The following IHO1 variants were observed in gnomAD, a reference collection of about 807,000 sequenced individuals.
The protein encoded by IHO1 is interactor of HORMAD1 1, also known as interactor of HORMAD1 protein 1.
In IHO1, 13 loss-of-function variants were observed where a neutral mutation model predicts 31.0. The observed-to-expected ratio is 0.42, with a 90% CI of 0.27 to 0.67. The LOEUF (loss-of-function observed/expected upper bound fraction) is 0.67, where lower values mean the gene tolerates loss of function less well. Among genes scored for constraint, IHO1 ranks in the 30% least tolerant of loss-of-function variants. The pLI is 0.24. For missense variants in IHO1, 599 were observed against 687.5 expected (o/e 0.87, Z 1.44); for synonymous variants, 221 against 248.4 (o/e 0.89, Z 1.04).
intron 2 of IHO1, among the ~76,000 whole-genome samples, chr3:49,220,549 G>T (rs1214883021): frequency 6.6e-6 from 1 of 152,126 alleles, no homozygotes; most frequent in African/African-American, 2.4e-5. Context: ...ATGGATCTTT[G>T]TGGCGAGTGT....
chr3:49,241,497 G>C, intron 4 of IHO1, 108 bp downstream of exon 4: 1 of 997,124 alleles, frequency 1.0e-6, no homozygotes, highest in Non-Finnish European at 1.4e-6. Context: ...GCATGTATTA[G>C]AGTTCTCCAG....
chr3:49,230,058 C>T (rs1321243154), intron 2 of IHO1, among the ~76,000 whole-genome samples: 4 of 152,048 alleles, frequency 2.6e-5, no homozygotes, highest in Admixed American at 6.6e-5. Context: ...TTTTTGATGG[C>T]GGACATTGTT....
chr3:49,198,043 T>G (rs1180149671), upstream of IHO1, among the ~76,000 whole-genome samples: 1 of 152,248 alleles, frequency 6.6e-6, no homozygotes, highest in Non-Finnish European at 1.5e-5. Context: ...GAATTTTATA[T>G]AAATGGGATC....
At chr3:49,207,808 C>G (rs560961211) in intron 1 of IHO1, among the ~76,000 whole-genome samples, 3 of 148,768 alleles carry the variant, frequency 2.0e-5, no homozygotes, top group Non-Finnish European at 4.4e-5. Context: ...GAGTCTCGCT[C>G]TGTCACCCAT....
chr3:49,207,047 C>CAA (rs71077775), intron 1 of IHO1, among the ~76,000 whole-genome samples: 7,356 of 48,448 alleles, frequency 0.15, 452 homozygotes, highest in Non-Finnish European at 0.18. Flanking sequence ...GACTCTGTCT[C>CAA]AAAAAAAAAA....
chr3:49,231,866 C>T (rs943193342), intron 2 of IHO1, among the ~76,000 whole-genome samples: 6 of 152,220 alleles, frequency 3.9e-5, no homozygotes, highest in Non-Finnish European at 5.9e-5. Context: ...TATCATCCAG[C>T]GATGCCCAAC....
At chr3:49,231,046 T>G (rs993749968) in intron 2 of IHO1, among the ~76,000 whole-genome samples, 8 of 152,232 alleles carry the variant, frequency 5.3e-5, no homozygotes, top group African/African-American at 1.4e-4. Context: ...ATCATTCACC[T>G]ACTGATGTTA....
intron 1 of IHO1, among the ~76,000 whole-genome samples, chr3:49,206,985 T>A (rs1330864705): frequency 1.3e-5 from 2 of 149,442 alleles, no homozygotes; most frequent in African/African-American, 4.9e-5. Context: ...GAGGCAAATG[T>A]TGCAGTGAGC....
At chr3:49,237,701 T>G (rs1376685551) in intron 3 of IHO1, among the ~76,000 whole-genome samples, 2 of 151,690 alleles carry the variant, frequency 1.3e-5, no homozygotes, top group African/African-American at 2.4e-5. Flanking sequence ...ATAACAAATT[T>G]TATTTTAGAC....
chr3:49,208,050 G>T (rs2046163032), intron 1 of IHO1, among the ~76,000 whole-genome samples: 1 of 152,182 alleles, frequency 6.6e-6, no homozygotes, highest in South Asian at 2.1e-4. Flanking sequence ...GGGATTACAG[G>T]CGTGAGCCAC....
intron 2 of IHO1, among the ~76,000 whole-genome samples, chr3:49,231,378 C>T (rs2046480402): frequency 6.6e-6 from 1 of 152,008 alleles, no homozygotes; most frequent in Non-Finnish European, 1.5e-5. Flanking sequence ...AAATTTAAAC[C>T]AATTGAAGGT....
chr3:49,209,342 C>G (rs2046179410), intron 1 of IHO1, among the ~76,000 whole-genome samples: 1 of 152,204 alleles, frequency 6.6e-6, no homozygotes. Flanking sequence ...CTTTTAAATG[C>G]TTGCATTTCT....
chr3:49,221,353 T>C (rs1468694809), intron 2 of IHO1, among the ~76,000 whole-genome samples: 2 of 152,038 alleles, frequency 1.3e-5, no homozygotes, highest in Non-Finnish European at 2.9e-5. Flanking sequence ...ATACACATAG[T>C]GCTGATTGGT....
chr3:49,242,267 G>C (rs998263288), intron 4 of IHO1, among the ~76,000 whole-genome samples: 29 of 151,640 alleles, frequency 1.9e-4, no homozygotes, highest in African/African-American at 6.8e-4. Context: ...AAGTAGCTTC[G>C]ATCAGAGGCA....
intron 6 of IHO1, among the ~76,000 whole-genome samples, chr3:49,250,703 C>T (rs1382336194): frequency 6.6e-6 from 1 of 152,064 alleles, no homozygotes; most frequent in Non-Finnish European, 1.5e-5. Context: ...TGAACTTGTA[C>T]CTGTGGTGAG....
intron 1 of IHO1, among the ~76,000 whole-genome samples, chr3:49,202,426 C>T (rs1406831576): frequency 6.8e-6 from 1 of 146,428 alleles, no homozygotes; most frequent in Non-Finnish European, 1.5e-5. Flanking sequence ...CCTGGGTTCG[C>T]GCCATTCTCC....
intron 6 of IHO1, chr3:49,252,278 A>T (rs796723165): frequency 3.5e-4 from 54 of 155,314 alleles, no homozygotes; most frequent in African/African-American, 1.2e-3. Flanking sequence ...GAATTTACAC[A>T]CTGAGGGAGT....
intron 7 of IHO1, 60 bp downstream of exon 7, chr3:49,255,553 A>AC: frequency 1.2e-6 from 1 of 860,162 alleles, no homozygotes; most frequent in Non-Finnish European, 1.7e-6. Flanking sequence ...AGACCCAGAG[A>AC]GAAACTTTTT....
rs889956235 is a variant in IHO1 at position 49,222,109 on chromosome 3, ACTGT to A, written c.56+10277_56+10280del. ...GGATAGATTTCGTCATTTCTTGCAA[ACTGT>A]CTGAGAAATCCTTTGAGAGTCTGTG... On this transcript the variant is annotated intron_variant, in intron 2 of 7. Coordinates refer to ENST00000452691, the MANE Select transcript of IHO1 (RefSeq NM_001135197.2). Among the ~76,000 whole-genome samples the A allele has an allele frequency of 8.5e-5, 13 of 152,306 alleles. No individual in the cohort carries two copies. In the Middle Eastern group the frequency reaches 0.01, roughly 120 times the overall value.
Sources: allele counts gnomAD v4.1 joint callset (sites outside exome capture counted in the v4.1 genomes callset), GRCh38; gene constraint gnomAD v4.1.1; transcripts MANE v1.5; gene names NCBI Gene and HGNC (gene_info 2026-07-23, HGNC 2026-07-21).